Variants in GLRX3 observed in about 807,000 individuals in gnomAD.
GLRX3 encodes the protein glutaredoxin 3.
Under a neutral mutation model 49.5 loss-of-function variants are expected in GLRX3, and 22 were observed. The observed-to-expected ratio is 0.44, with a 90% confidence interval of 0.32 to 0.63. GLRX3 has a LOEUF of 0.63. Among genes scored for constraint, GLRX3 ranks in the 30% least tolerant of loss-of-function variants. GLRX3 has a pLI of 0.05. For synonymous variants in GLRX3, 133 were observed against 140.0 expected (o/e 0.95, Z 0.35); for missense variants, 385 against 396.3 (o/e 0.97, Z 0.24).
chr10:130,148,276 G>A (rs571685620), intron 2 of GLRX3, among the ~76,000 whole-genome samples: 7 of 151,810 alleles, frequency 4.6e-5, no homozygotes, highest in African/African-American at 1.2e-4. Context: ...GGGACTATAG[G>A]TGTACACCCC....
Position 130,161,016 on chromosome 10 carries a change from C to G in GLRX3, c.478+19C>G, listed in dbSNP as rs186901525. 6.3e-7 allele frequency: 1 copy of G among 1,580,924 alleles called. No homozygotes were observed. Among genetic ancestry groups the G allele is most frequent in the Non-Finnish European group, 8.7e-7 (1 of 1,152,204 alleles). On this transcript the variant is annotated intron_variant, in intron 4 of 10. Transcript: ENST00000331244. ...CGCTGTGGTAAGAAGCTGCCTTTAA[C>G]ATAATATAAACAAAATGGGTGCTTT...
At chr10:130,140,153 T>C (rs1055065740) in intron 1 of GLRX3, among the ~76,000 whole-genome samples, 9 of 152,338 alleles carry the variant, frequency 5.9e-5, no homozygotes, top group African/African-American at 1.9e-4. Context: ...GTATATGATA[T>C]GTTTAATAAG....
intron 2 of GLRX3, among the ~76,000 whole-genome samples, chr10:130,151,182 T>C (rs1862370293): frequency 6.6e-6 from 1 of 152,162 alleles, no homozygotes; most frequent in Non-Finnish European, 1.5e-5. Flanking sequence ...TGCCTCGGCC[T>C]CCCAAAGTGC....
At chr10:130,155,064 C>G (rs892443021) in intron 2 of GLRX3, among the ~76,000 whole-genome samples, 2 of 152,012 alleles carry the variant, frequency 1.3e-5, no homozygotes, top group Non-Finnish European at 2.9e-5. Flanking sequence ...CCCAAACTTC[C>G]GAGCTCAAGC....
intron 2 of GLRX3, among the ~76,000 whole-genome samples, chr10:130,147,162 C>A (rs186092511): frequency 6.6e-6 from 1 of 152,058 alleles, no homozygotes; most frequent in Non-Finnish European, 1.5e-5. Context: ...TAGAGTGTAA[C>A]CCTAAAATGT....
chr10:130,175,477 C>G (rs189280562), intron 10 of GLRX3, among the ~76,000 whole-genome samples: 1 of 152,236 alleles, frequency 6.6e-6, no homozygotes, highest in Non-Finnish European at 1.5e-5. Flanking sequence ...GCTGCCCATC[C>G]TTGCCACAGA....
chr10:130,163,923 A>G (rs1002705894), intron 4 of GLRX3, among the ~76,000 whole-genome samples: 5 of 152,232 alleles, frequency 3.3e-5, no homozygotes, highest in African/African-American at 9.6e-5. Flanking sequence ...TATCTCTGCT[A>G]ACACCACTGA....
At chr10:130,156,235 C>G (rs796816121) in intron 2 of GLRX3, among the ~76,000 whole-genome samples, 1 of 152,180 alleles carries the variant, frequency 6.6e-6, no homozygotes, top group Admixed American at 6.5e-5. Context: ...CAAGATGGCA[C>G]CTTGTTGCCG....
intron 7 of GLRX3, among the ~76,000 whole-genome samples, chr10:130,171,121 A>AAAAT (rs371772527): frequency 0.028 from 4,267 of 151,346 alleles, 109 homozygotes; most frequent in African/African-American, 0.056. Context: ...TCTGTCTCAA[A>AAAAT]AAATAAATAA....
chr10:130,178,826 C>T (rs1427758523), intron 10 of GLRX3, among the ~76,000 whole-genome samples: 1 of 152,116 alleles, frequency 6.6e-6, no homozygotes, highest in African/African-American at 2.4e-5. Flanking sequence ...GTCTCAGCCT[C>T]CTGAGTAGCT....
chr10:130,167,629 A>T (rs1862718471), intron 6 of GLRX3, among the ~76,000 whole-genome samples: 1 of 152,222 alleles, frequency 6.6e-6, no homozygotes, highest in South Asian at 2.1e-4. Context: ...AAAGGAATTT[A>T]TTATATCAGC....
intron 1 of GLRX3, among the ~76,000 whole-genome samples, chr10:130,143,290 T>C (rs183345419): frequency 8.6e-4 from 131 of 152,352 alleles, no homozygotes; most frequent in African/African-American, 2.8e-3. Context: ...CAGTTTGTTA[T>C]TCCTTTCCTT....
chr10:130,141,249 A>C (rs570711655), intron 1 of GLRX3, among the ~76,000 whole-genome samples: 1 of 152,218 alleles, frequency 6.6e-6, no homozygotes, highest in South Asian at 2.1e-4. Context: ...TCGAGGCTGC[A>C]CTTGCCTTGC....
chr10:130,173,960 T>C (rs1862864848), intron 8 of GLRX3, among the ~76,000 whole-genome samples: 1 of 152,214 alleles, frequency 6.6e-6, no homozygotes, highest in Non-Finnish European at 1.5e-5. Context: ...TAGCATTTTC[T>C]TTGGCCACCT....
chr10:130,161,619 A>G (rs1305308537), intron 4 of GLRX3, among the ~76,000 whole-genome samples: 1 of 152,122 alleles, frequency 6.6e-6, no homozygotes, highest in Non-Finnish European at 1.5e-5. Context: ...GGATGCTTAT[A>G]ATTTTGTCCT....
chr10:130,159,878 A>G (rs1862540806), intron 2 of GLRX3, 117 bp from the exon 3 acceptor site: 1 of 1,343,658 alleles, frequency 7.4e-7, no homozygotes. Flanking sequence ...CTTTTGTACC[A>G]TGCTCTTTAA....
At chr10:130,153,747 A>G (rs115975494) in intron 2 of GLRX3, among the ~76,000 whole-genome samples, 2,895 of 151,770 alleles carry the variant, frequency 0.019, 104 homozygotes, top group African/African-American at 0.067. Context: ...GTGAGGCTAT[A>G]CGGGGGTCAG....
At chr10:130,148,094 G>A (rs1202040906) in intron 2 of GLRX3, among the ~76,000 whole-genome samples, 1 of 152,084 alleles carries the variant, frequency 6.6e-6, no homozygotes, top group Non-Finnish European at 1.5e-5. Flanking sequence ...AAGTTCTAGA[G>A]TATGAACTAA....
At chr10:130,137,600 T>TGA (rs1473341326) in intron 1 of GLRX3, among the ~76,000 whole-genome samples, 1 of 152,172 alleles carries the variant, frequency 6.6e-6, no homozygotes, top group African/African-American at 2.4e-5. Flanking sequence ...AGGGTTGTTG[T>TGA]GAGGGTTAAA....
Sources: allele counts gnomAD v4.1 joint callset (sites outside exome capture counted in the v4.1 genomes callset), GRCh38; gene constraint gnomAD v4.1.1; transcripts MANE v1.5; gene names NCBI Gene and HGNC (gene_info 2026-07-23, HGNC 2026-07-21).